Variants in NKAIN2 observed in about 807,000 individuals in gnomAD.
The protein encoded by NKAIN2 is sodium/potassium-transporting ATPase subunit beta-1-interacting protein 2.
NKAIN2 carries 14 observed loss-of-function variants against 32.6 expected under a neutral mutation model. That is an observed-to-expected ratio of 0.43 (90% CI 0.28 to 0.67). NKAIN2 has a LOEUF of 0.67. NKAIN2 is among the 30% of genes least tolerant of loss of function. NKAIN2 has a pLI of 0.17. For missense variants in NKAIN2, 198 were observed against 258.3 expected (o/e 0.77, Z 1.60); for synonymous variants, 80 against 87.2 (o/e 0.92, Z 0.46).
At chr6:124,375,538 C>T (rs1799955392) in intron 3 of NKAIN2, among the ~76,000 whole-genome samples, 1 of 150,946 alleles carries the variant, frequency 6.6e-6, no homozygotes, top group African/African-American at 2.4e-5. Context: ...CTTTGATATC[C>T]ACTTTTGCTC....
intron 1 of NKAIN2, among the ~76,000 whole-genome samples, chr6:123,977,722 A>C (rs773243551): frequency 1.9e-4 from 29 of 152,222 alleles, no homozygotes; most frequent in Non-Finnish European, 1.9e-4. Flanking sequence ...TTGGGCAGTC[A>C]GAACAGGACT....
intron 1 of NKAIN2, among the ~76,000 whole-genome samples, chr6:124,198,729 T>C (rs1790447903): frequency 6.6e-6 from 1 of 152,056 alleles, no homozygotes; most frequent in Non-Finnish European, 1.5e-5. Flanking sequence ...CTCATTCTGC[T>C]CCTGCCTGTC....
At chr6:124,191,580 T>C (rs1450859619) in intron 1 of NKAIN2, among the ~76,000 whole-genome samples, 1 of 152,156 alleles carries the variant, frequency 6.6e-6, no homozygotes, top group African/African-American at 2.4e-5. Context: ...TTCCAGTATT[T>C]ATGCCTTTTG....
At chr6:124,387,811 T>G (rs571342324) in intron 3 of NKAIN2, among the ~76,000 whole-genome samples, 13 of 152,176 alleles carry the variant, frequency 8.5e-5, no homozygotes, top group African/African-American at 2.9e-4. Flanking sequence ...GCATCTGTAC[T>G]CCAGGCCCAG....
At chr6:123,898,518 A>G (rs1774393750) in intron 1 of NKAIN2, among the ~76,000 whole-genome samples, 2 of 151,726 alleles carry the variant, frequency 1.3e-5, no homozygotes, top group Admixed American at 6.6e-5. Flanking sequence ...TTGGGTGCAA[A>G]ATGTCCAGAT....
chr6:124,379,139 AGGG>A (rs1183691169), intron 3 of NKAIN2, among the ~76,000 whole-genome samples: 1 of 38,660 alleles, frequency 2.6e-5, no homozygotes, highest in Non-Finnish European at 5.1e-5. Flanking sequence ...AGGAGAGGGG[AGGG>A]GAGGGAGGGA....
intron 2 of NKAIN2, among the ~76,000 whole-genome samples, chr6:124,354,702 G>A (rs1277855623): frequency 6.6e-6 from 1 of 152,008 alleles, no homozygotes; most frequent in Non-Finnish European, 1.5e-5. Context: ...ATATGTTAGA[G>A]CACTGAATTT....
At chr6:124,229,525 T>TAGACAGAC (rs1172078762) in intron 1 of NKAIN2, among the ~76,000 whole-genome samples, 4 of 148,736 alleles carry the variant, frequency 2.7e-5, no homozygotes, top group African/African-American at 1.0e-4. Flanking sequence ...GATAGATAGA[T>TAGACAGAC]AGATAGATAG....
chr6:124,669,548 G>A (rs1019830617), intron 4 of NKAIN2, among the ~76,000 whole-genome samples: 7 of 152,000 alleles, frequency 4.6e-5, no homozygotes, highest in South Asian at 2.1e-4. Context: ...GGATATTTGC[G>A]GAAGGAGTAT....
At chr6:124,494,026 T>G (rs1777973232) in intron 3 of NKAIN2, among the ~76,000 whole-genome samples, 1 of 152,088 alleles carries the variant, frequency 6.6e-6, no homozygotes, top group African/African-American at 2.4e-5. Context: ...TGTCTCAGAC[T>G]CTGCTTTCAA....
intron 2 of NKAIN2, among the ~76,000 whole-genome samples, chr6:124,353,811 A>G (rs1030718389): frequency 5.3e-5 from 8 of 152,174 alleles, no homozygotes; most frequent in African/African-American, 1.9e-4. Context: ...GGAACAGCAA[A>G]TAATATATGT....
Position 124,485,098 on chromosome 6 carries a change from C to T in NKAIN2, c.273+129751C>T, listed in dbSNP as rs965112244. Among the ~76,000 whole-genome samples, 8 of 152,240 alleles carry T rather than the reference C, an allele frequency of 5.3e-5. 1 individual carries two copies. The South Asian group carries it at 1.7e-3, about 32-fold the overall frequency. On this transcript the variant is annotated intron_variant, in intron 3 of 6. Transcript: ENST00000368417. ...AGCTGGCCATTAAAAAATAGATCTG[C>T]AAAACAGTGAGCTACTGTTGCTCTG...
intron 1 of NKAIN2, among the ~76,000 whole-genome samples, chr6:124,115,182 T>G (rs1264658062): frequency 6.6e-6 from 1 of 152,184 alleles, no homozygotes; most frequent in African/African-American, 2.4e-5. Context: ...ATATGGAATT[T>G]AATGGATTTA....
intron 1 of NKAIN2, among the ~76,000 whole-genome samples, chr6:124,002,203 G>A (rs1779905853): frequency 6.6e-6 from 1 of 152,114 alleles, no homozygotes; most frequent in African/African-American, 2.4e-5. Context: ...GGCACTCTCT[G>A]AGTTGGATGC....
intron 1 of NKAIN2, among the ~76,000 whole-genome samples, chr6:124,053,220 A>G (rs1483573641): frequency 6.6e-6 from 1 of 151,790 alleles, no homozygotes; most frequent in Non-Finnish European, 1.5e-5. Flanking sequence ...CCCGTTAGTT[A>G]TTTTTCCTGA....
intron 3 of NKAIN2, among the ~76,000 whole-genome samples, chr6:124,413,332 T>C (rs147169512): frequency 1.9e-4 from 29 of 152,342 alleles, no homozygotes; most frequent in African/African-American, 6.5e-4. Flanking sequence ...TGGCACCGTT[T>C]ATTGAAAAGC....
At chr6:124,147,599 T>C (rs1050217860) in intron 1 of NKAIN2, among the ~76,000 whole-genome samples, 1 of 152,056 alleles carries the variant, frequency 6.6e-6, no homozygotes, top group Non-Finnish European at 1.5e-5. Flanking sequence ...AATTAGGTAA[T>C]GTCTTCAACA....
chr6:123,917,022 C>G (rs138186496), intron 1 of NKAIN2, among the ~76,000 whole-genome samples: 71 of 152,268 alleles, frequency 4.7e-4, no homozygotes, highest in African/African-American at 1.7e-3. Flanking sequence ...CAACAGAAGG[C>G]TTAACATCCT....
intron 4 of NKAIN2, among the ~76,000 whole-genome samples, chr6:124,676,822 C>A (rs763482508): frequency 1.3e-5 from 2 of 152,146 alleles, no homozygotes; most frequent in Non-Finnish European, 2.9e-5. Flanking sequence ...CCCACCCCTA[C>A]ACTTTTTTGG....
Sources: allele counts gnomAD v4.1 joint callset (sites outside exome capture counted in the v4.1 genomes callset), GRCh38; gene constraint gnomAD v4.1.1; transcripts MANE v1.5; gene names NCBI Gene and HGNC (gene_info 2026-07-23, HGNC 2026-07-21).